Variants in SRI observed in about 807,000 individuals in gnomAD.
SRI encodes the protein sorcin.
Under a neutral mutation model 33.3 loss-of-function variants are expected in SRI, and 30 were observed. The ratio of observed to expected loss-of-function variants is 0.90; its 90% CI spans 0.67 to 1.22. The LOEUF (loss-of-function observed/expected upper bound fraction) is 1.22, where lower values mean the gene tolerates loss of function less well. Ranked by LOEUF, SRI falls within the 50% of genes most tolerant of loss-of-function variation. The pLI is 0.00. For missense variants in SRI, 243 were observed against 250.8 expected, an observed-to-expected ratio of 0.97 and a Z score of 0.21; for synonymous variants, 75 against 89.9, an observed-to-expected ratio of 0.83 and a Z score of 0.94.
At chr7:88,214,113 A>G (rs1851649305) in intron 3 of SRI, among the ~76,000 whole-genome samples, 1 of 152,224 alleles carries the variant, frequency 6.6e-6, no homozygotes, top group Non-Finnish European at 1.5e-5. Flanking sequence ...GGGATTGAGA[A>G]GTGAGAAGCT....
rs1035860464 is a variant in SRI, at chr7:88,206,155, T to C, written c.*323A>G. ...GTAGTCTGATTAACAGTTTTTAGTG[T>C]CTCACAATGAAAAATAAATAATGTG... On this transcript the variant is annotated 3_prime_UTR_variant, in exon 8 of 8. Coordinates refer to ENST00000265729, the MANE Select transcript of SRI (RefSeq NM_003130.4). 1 of 365,034 alleles carries C rather than the reference T, an allele frequency of 2.7e-6. No individual in the cohort carries two copies. The highest frequency in any genetic ancestry group is 2.1e-5 in the African/African-American group (1 of 48,682). The allele number at this position is 365,034 out of a possible 1,614,324, so 22.6% of individuals were successfully genotyped here.
intron 1 of SRI, among the ~76,000 whole-genome samples, chr7:88,225,134 C>G (rs547143676): frequency 2.2e-4 from 34 of 152,262 alleles, no homozygotes; most frequent in Middle Eastern, 3.4e-3. Context: ...GACAAACGTT[C>G]CCATGTTCCT....
chr7:88,208,780 G>A (rs1409825059), intron 6 of SRI: 9 of 663,354 alleles, frequency 1.4e-5, no homozygotes, highest in African/African-American at 1.8e-5. Context: ...GGCCAGCTGT[G>A]TTTTTTGTTT....
upstream of SRI, chr7:88,220,172 CT>C (rs1208686508): frequency 2.3e-5 from 30 of 1,319,258 alleles, no homozygotes; most frequent in Middle Eastern, 8.6e-4. Flanking sequence ...CAGCTCTTGC[CT>C]GTGCGCGCGG....
upstream of SRI, among the ~76,000 whole-genome samples, chr7:88,224,441 T>A (rs1232628298): frequency 6.6e-6 from 1 of 152,200 alleles, no homozygotes; most frequent in Non-Finnish European, 1.5e-5. Context: ...GCAATGACAT[T>A]TGCCAATTTA....
At chr7:88,210,989 A>G in intron 3 of SRI, 64 bp from the exon 4 acceptor site, 1 of 1,221,648 alleles carries the variant, frequency 8.2e-7, no homozygotes, top group South Asian at 1.3e-5. Flanking sequence ...TACACTGGAT[A>G]CATTCAAATT....
rs1851440029 is a variant in SRI, at chr7:88,206,425, A to G, written c.*53T>C. On this transcript the variant is annotated 3_prime_UTR_variant, in exon 8 of 8. Coordinates refer to ENST00000265729, the MANE Select transcript of SRI (RefSeq NM_003130.4). ...ATTACCGAAGGCAAAGAGGACAAGC[A>G]AAGGAGAGCTCCAGTTGGAATGTTG... 4 of 1,609,474 alleles carry G rather than the reference A, an allele frequency of 2.5e-6. No individual in the cohort carries two copies. The highest frequency in any genetic ancestry group is 1.3e-5 in the African/African-American group (1 of 74,834).
intron 7 of SRI, 114 bp from the exon 8 acceptor site, chr7:88,206,618 C>T: frequency 8.6e-7 from 1 of 1,161,852 alleles, no homozygotes; most frequent in Non-Finnish European, 1.3e-6. Context: ...ACAACCCCTA[C>T]AACTTTCTAA....
chr7:88,219,030 C>T, intron 1 of SRI, 88 bp from the exon 2 acceptor site: 2 of 1,060,866 alleles, frequency 1.9e-6, no homozygotes, highest in Non-Finnish European at 1.4e-6. Flanking sequence ...GGCCAGACAA[C>T]TGCCCGCCTG....
At position 88,209,322 on chromosome 7, in the gene SRI, G is replaced by A. The variant is rs377544250; in HGVS notation, c.511+17C>T. Reference sequence around the variant, plus strand: ...GTGTCTTGGCTTGTGGTGATGACACGACCTTATAGAACTCACCTGTAAGAG... The same window carrying A: ...GTGTCTTGGCTTGTGGTGATGACACAACCTTATAGAACTCACCTGTAAGAG... On this transcript the variant is annotated intron_variant, in intron 6 of 7. Transcript: ENST00000265729. 85 of 1,595,382 alleles carry A rather than the reference G, an allele frequency of 5.3e-5. No individual in the cohort carries two copies. Among genetic ancestry groups the A allele is most frequent in the African/African-American group, 6.7e-5 (5 of 74,500 alleles).
intron 1 of SRI, 151 bp from the exon 2 acceptor site, chr7:88,219,093 T>G: frequency 1.5e-6 from 1 of 688,008 alleles, no homozygotes; most frequent in South Asian, 1.5e-5. Context: ...CTGCCAACAC[T>G]CCACCCCTCT....
At position 88,217,139 on chromosome 7, in the gene SRI, A is replaced by T. The variant is rs193264095; in HGVS notation, c.188T>A (p.Ile63Asn). 1 of 1,613,542 alleles carries T rather than the reference A, an allele frequency of 6.2e-7. No homozygotes were observed. Among genetic ancestry groups the T allele is most frequent in the African/African-American group, 1.3e-5 (1 of 74,936 alleles). Residue 63 changes from isoleucine to asparagine, a missense_variant, in exon 3 of 8, where the codon ATT becomes AAT. Coordinates refer to ENST00000265729, the MANE Select transcript of SRI (RefSeq NM_003130.4). ...CAACTTACGTTTGTATCCTCCAGCA[A>T]TGCCAGACTGTGTCAGACATCTCTG... Reference protein sequence around the residue: ...ELQRCLTQSGIAGGYKPFNLE... With the variant: ...ELQRCLTQSGNAGGYKPFNLE...
In SRI at chr7:88,206,371, A is replaced by C; in HGVS notation, c.*107T>G. 2 of 1,291,156 alleles carry C rather than the reference A, an allele frequency of 1.5e-6. No homozygotes were observed. The highest frequency in any genetic ancestry group is 2.4e-5 in the South Asian group (2 of 84,490). 80.0% of individuals were successfully genotyped at this position (1,291,156 alleles called of 1,614,324 possible). A position where few individuals can be genotyped will look rare whatever the true frequency, so the allele number is the denominator to read the frequency against. ...GTAATAAACTTTACAACAGCTGTTA[A>C]GAGAAAGTCGTGATGTAAGTTTATA... is the stretch of plus-strand genomic sequence containing the variant. On this transcript the variant is annotated 3_prime_UTR_variant, in exon 8 of 8. Coordinates refer to ENST00000265729, the MANE Select transcript of SRI (RefSeq NM_003130.4).
intron 1 of SRI, 94 bp from the exon 2 acceptor site, chr7:88,219,036 G>T (rs1008306723): frequency 1.0e-5 from 11 of 1,060,232 alleles, no homozygotes; most frequent in African/African-American, 1.6e-5. Flanking sequence ...ACAACTGCCC[G>T]CCTGCCCGCC....
At chr7:88,207,372 TCACA>T (rs1268295904) in intron 7 of SRI, among the ~76,000 whole-genome samples, 16 of 152,158 alleles carry the variant, frequency 1.1e-4, no homozygotes, top group African/African-American at 3.9e-4. Flanking sequence ...ATAAGCATAT[TCACA>T]CACACATACT....
At chr7:88,210,815 T>C in intron 4 of SRI, 67 bp downstream of exon 4, 2 of 1,448,822 alleles carry the variant, frequency 1.4e-6, no homozygotes, top group Non-Finnish European at 1.9e-6. Flanking sequence ...TAGATATTAA[T>C]TCTAAGATGA....
chr7:88,209,420 T>C lies in SRI; in HGVS notation c.430A>G (p.Ile144Val), dbSNP rs199949796. ...FRLSPQAVNS[I>V]AKRYSTNGKI... ...CCATTGGTGCTGTATCGTTTTGCAA[T>C]TGAATTCACAGCCTGGGGACTCAAC... is the stretch of plus-strand genomic sequence containing the variant. The change falls in exon 6 of 8, where the codon ATT (isoleucine) becomes GTT (valine). Residue 144 changes from isoleucine (I) to valine (V), a missense_variant. Coordinates refer to ENST00000265729, the MANE Select transcript of SRI (RefSeq NM_003130.4). 91 of 1,613,942 alleles carry C rather than the reference T, an allele frequency of 5.6e-5. 2 individuals are homozygous for C. The highest frequency in any genetic ancestry group is 4.9e-5 in the Non-Finnish European group (58 of 1,179,964).
intron 6 of SRI, chr7:88,208,994 T>A (rs1851502134): frequency 3.9e-6 from 1 of 258,740 alleles, no homozygotes; most frequent in Admixed American, 5.0e-5. Flanking sequence ...CTCTGCCCTA[T>A]AGAAAAGGAT....
Position 88,217,126 on chromosome 7 carries a change from G to A in SRI, c.201C>T (p.Tyr67=). 1 of 1,613,594 alleles carries A rather than the reference G, an allele frequency of 6.2e-7. No individual in the cohort carries two copies. The highest frequency in any genetic ancestry group is 8.5e-7 in the Non-Finnish European group (1 of 1,179,912). Residue 67 remains tyrosine, a synonymous_variant, in exon 3 of 8, where the codon TAC becomes TAT. Coordinates refer to ENST00000265729, the MANE Select transcript of SRI (RefSeq NM_003130.4). ...ACTTTGGGACTGTCAACTTACGTTT[G>A]TATCCTCCAGCAATGCCAGACTGTG... ...CLTQSGIAGG[Y]KPFNLETCRL...
Sources: gnomAD v4.1 joint callset for allele counts (sites outside exome capture counted in the v4.1 genomes callset) on GRCh38, gnomAD v4.1.1 for gene constraint, MANE v1.5 for transcripts, NCBI Gene and HGNC (gene_info 2026-07-23, HGNC 2026-07-21) for gene names.